Variants in BTBD16 observed in about 807,000 individuals in gnomAD.
BTBD16 encodes BTB/POZ domain-containing protein 16.
BTBD16 carries 66 observed loss-of-function variants against 67.4 expected under a neutral mutation model. The ratio of observed to expected loss-of-function variants is 0.98; its 90% confidence interval spans 0.80 to 1.20. BTBD16 has a LOEUF of 1.20. BTBD16 is among the 50% of genes most tolerant of loss of function. The probability of loss-of-function intolerance (pLI) is 0.00; values close to 1 mark genes in which losing one functional copy is unlikely to be tolerated. For missense variants in BTBD16, 634 were observed against 616.0 expected (o/e 1.03, Z -0.31); for synonymous variants, 242 against 236.4 (o/e 1.02, Z -0.22).
intron 9 of BTBD16, among the ~76,000 whole-genome samples, chr10:122,302,542 C>T (rs931309514): frequency 6.6e-6 from 1 of 152,208 alleles, no homozygotes; most frequent in African/African-American, 2.4e-5. Context: ...CGAGAAGTCT[C>T]GAGGTCTCAG....
intron 6 of BTBD16, among the ~76,000 whole-genome samples, chr10:122,290,473 A>G (rs1336182650): frequency 6.6e-6 from 1 of 152,126 alleles, no homozygotes; most frequent in Non-Finnish European, 1.5e-5. Flanking sequence ...TGCTTGTGCA[A>G]CATCCGTGAT....
chr10:122,310,686 G>T (rs1015308680), intron 10 of BTBD16, among the ~76,000 whole-genome samples: 3 of 152,140 alleles, frequency 2.0e-5, no homozygotes, highest in African/African-American at 7.2e-5. Context: ...GGAGCAATTT[G>T]GCCCAATTTT....
At chr10:122,311,025 G>A (rs1230095775) in intron 10 of BTBD16, among the ~76,000 whole-genome samples, 7 of 151,890 alleles carry the variant, frequency 4.6e-5, no homozygotes, top group South Asian at 2.1e-4. Flanking sequence ...AGGAGGGAAC[G>A]TAGTTGAATA....
intron 15 of BTBD16, among the ~76,000 whole-genome samples, chr10:122,337,791 G>C (rs1213736530): frequency 1.3e-5 from 2 of 152,204 alleles, no homozygotes; most frequent in Admixed American, 1.3e-4. Flanking sequence ...TACTTGGTGA[G>C]AATTTATCAA....
chr10:122,272,827 C>T (rs2096331900), intron 1 of BTBD16, among the ~76,000 whole-genome samples: 1 of 152,116 alleles, frequency 6.6e-6, no homozygotes, highest in Non-Finnish European at 1.5e-5. Flanking sequence ...ACATAGAGGG[C>T]TCCTTAAAAA....
At chr10:122,319,999 T>G (rs1819133811) in intron 10 of BTBD16, among the ~76,000 whole-genome samples, 1 of 152,166 alleles carries the variant, frequency 6.6e-6, no homozygotes, top group African/African-American at 2.4e-5. Context: ...GATTTCTGAT[T>G]GTTCTTTGCT....
In BTBD16 at chr10:122,329,522, G is replaced by A. The variant is rs748737262; in HGVS notation, c.954G>A (p.Arg318=). Residue 318 remains arginine (R), a synonymous_variant, in exon 11 of 16, where the codon CGG becomes CGA. Coordinates refer to ENST00000260723, the MANE Select transcript of BTBD16 (RefSeq NM_144587.5). ...NCCFLDRDIG[R]SLRPLFLCLR... The stretch of plus-strand genomic sequence containing the variant: ...GCTTTCTGGACCGGGACATAGGACG[G>A]AGCTTGAGGCCGCTCTTCCTCTGCT... 3.7e-6 allele frequency: 6 copies of A among 1,613,946 alleles called. No individual in the cohort carries two copies. The highest frequency in any genetic ancestry group is 5.1e-6 in the Non-Finnish European group (6 of 1,180,012).
intron 11 of BTBD16, 50 bp from the exon 12 acceptor site, chr10:122,331,126 G>A (rs1443605607): frequency 6.3e-7 from 1 of 1,592,080 alleles, no homozygotes; most frequent in South Asian, 1.2e-5. Context: ...GACTTTTGAG[G>A]CTCTGGTGTG....
intron 3 of BTBD16, among the ~76,000 whole-genome samples, chr10:122,279,720 C>T (rs7907130): frequency 0.38 from 57,498 of 151,948 alleles, 11,981 homozygotes; most frequent in African/African-American, 0.56. Context: ...GCCTGGAATG[C>T]CCCATGCAAC....
chr10:122,335,923 C>G (rs2096462627), intron 14 of BTBD16, among the ~76,000 whole-genome samples: 1 of 152,230 alleles, frequency 6.6e-6, no homozygotes, highest in South Asian at 2.1e-4. Flanking sequence ...GGCTGCAGTG[C>G]AGTGGCACAA....
chr10:122,324,908 G>A (rs1045232440), intron 10 of BTBD16, among the ~76,000 whole-genome samples: 2 of 152,224 alleles, frequency 1.3e-5, no homozygotes, highest in Non-Finnish European at 2.9e-5. Context: ...AGGAGCACAA[G>A]AGTCTGGGTG....
At chr10:122,312,308 T>G (rs1175094568) in intron 10 of BTBD16, among the ~76,000 whole-genome samples, 2 of 126,208 alleles carry the variant, frequency 1.6e-5, no homozygotes, top group Non-Finnish European at 3.1e-5. Flanking sequence ...TTTTTCTTTT[T>G]CTTTTTTTTT....
At chr10:122,285,093 T>G (rs1192892380) in intron 4 of BTBD16, among the ~76,000 whole-genome samples, 15 of 152,028 alleles carry the variant, frequency 9.9e-5, no homozygotes, top group Admixed American at 9.8e-4. Context: ...GGAAGAAGAA[T>G]CAGGTACCCA....
intron 7 of BTBD16, chr10:122,294,077 G>C (rs1432918026): frequency 1.0e-6 from 1 of 968,978 alleles, no homozygotes; most frequent in Non-Finnish European, 1.2e-6. Flanking sequence ...GCCTGAAGCT[G>C]ATGGGACCTG....
chr10:122,318,378 C>A (rs2096429887), intron 10 of BTBD16, among the ~76,000 whole-genome samples: 1 of 152,024 alleles, frequency 6.6e-6, no homozygotes, highest in Admixed American at 6.6e-5. Flanking sequence ...ATTTGTTTTT[C>A]TATTCATCTT....
intron 4 of BTBD16, 150 bp downstream of exon 4, chr10:122,284,074 G>T (rs2096358548): frequency 1.6e-6 from 1 of 635,044 alleles, no homozygotes; most frequent in Admixed American, 2.8e-5. Flanking sequence ...AGAAATAATA[G>T]GTGCCCGGTA....
At chr10:122,294,120 G>A in intron 7 of BTBD16, 1 of 985,420 alleles carries the variant, frequency 1.0e-6, no homozygotes, top group Non-Finnish European at 1.2e-6. Context: ...TGGTGGGGCT[G>A]GGATTCTAGG....
chr10:122,321,538 A>C (rs757803679), intron 10 of BTBD16, among the ~76,000 whole-genome samples: 2 of 152,218 alleles, frequency 1.3e-5, no homozygotes, highest in Admixed American at 1.3e-4. Flanking sequence ...TGACTTTTTA[A>C]TAATAGCCAT....
At chr10:122,332,287 G>A in intron 12 of BTBD16, 149 bp from the exon 13 acceptor site, 1 of 655,482 alleles carries the variant, frequency 1.5e-6, no homozygotes, top group Non-Finnish European at 2.6e-6. Flanking sequence ...TCTGTGAACT[G>A]AATGAATGGC....
Sources: gnomAD v4.1 joint callset for allele counts (sites outside exome capture counted in the v4.1 genomes callset) on GRCh38, gnomAD v4.1.1 for gene constraint, MANE v1.5 for transcripts, NCBI Gene and HGNC (gene_info 2026-07-23, HGNC 2026-07-21) for gene names.